The following TARBP1 variants were observed in gnomAD, a reference collection of about 807,000 sequenced individuals.
TARBP1 encodes the protein tRNA guanosine 2 -O-methyltransferase TARBP1.
Under a neutral mutation model 178.6 loss-of-function variants are expected in TARBP1, and 144 were observed. The ratio of observed to expected loss-of-function variants is 0.81; its 90% CI spans 0.70 to 0.93. The LOEUF is 0.93. Among genes scored for constraint, TARBP1 ranks in the 40% least tolerant of loss-of-function variants. The probability of loss-of-function intolerance (pLI) is 0.00; values close to 1 mark genes in which losing one functional copy is unlikely to be tolerated. For missense variants in TARBP1, 2,067 were observed against 2,011.7 expected (o/e 1.03, Z -0.53); for synonymous variants, 787 against 781.0 (o/e 1.01, Z -0.13).
rs57636903 is a variant in TARBP1, at chr1:234,451,766, A to AAAAAAACAAAAAAAACAAAAAAAC, written c.1723-1201_1723-1200insGTTTTTTTGTTTTTTTTGTTTTTT. ...TCCGTCTCAAAAAAAAAAAAAAAAA[A>AAAAAAACAAAAAAAACAAAAAAAC]TGATGAATGACTGGATCATCGAAGT... On this transcript the variant is annotated intron_variant, in intron 9 of 29. Transcript: ENST00000040877. 3.5e-4 allele frequency among the ~76,000 whole-genome samples: 6 copies of AAAAAAACAAAAAAAACAAAAAAAC among 17,176 alleles called. 1 individual carries two copies. The East Asian group carries it at 0.048, about 139-fold the overall frequency. 11.3% of individuals were successfully genotyped at this position (17,176 alleles called of 152,430 possible).
At chr1:234,442,011 G>T (rs897565182) in intron 12 of TARBP1, among the ~76,000 whole-genome samples, 5 of 152,040 alleles carry the variant, frequency 3.3e-5, no homozygotes, top group African/African-American at 1.2e-4. Context: ...AACAGAGAAA[G>T]GATACTCAGT....
chr1:234,459,428 G>A, intron 7 of TARBP1, 102 bp from the exon 8 acceptor site: 1 of 844,214 alleles, frequency 1.2e-6, no homozygotes, highest in South Asian at 1.8e-5. Context: ...ACTTCCTAAT[G>A]CAGAAAGTCT....
In TARBP1 at chr1:234,429,557, T is replaced by C; in HGVS notation, c.2730A>G (p.Thr910=). 1.2e-6 allele frequency: 2 copies of C among 1,614,190 alleles called. No individual in the cohort carries two copies. The highest frequency in any genetic ancestry group is 1.7e-6 in the Non-Finnish European group (2 of 1,180,042). ...GAAACGGTTCCAGAATTTCACTCCC[T>C]GTGGTTGGTATAAGGGTGTGATATT... ...LKKYHTLIPT[T]GSEILEPFLP... is the part of the protein sequence containing the mutation. Residue 910 remains threonine (T), a synonymous_variant, in exon 16 of 30, where the codon ACA becomes ACG. Coordinates refer to ENST00000040877, the MANE Select transcript of TARBP1 (RefSeq NM_005646.4).
chr1:234,450,045 G>A lies in TARBP1; in HGVS notation c.1861+383C>T, dbSNP rs537727924. Reference sequence around the variant, plus strand: ...TTCATACTAAACGTGCTTTAAAAATGAAAAAGATAAACACGTATTTCCAAT... The same window carrying A: ...TTCATACTAAACGTGCTTTAAAAATAAAAAAGATAAACACGTATTTCCAAT... On this transcript the variant is annotated intron_variant, in intron 10 of 29. Transcript: ENST00000040877. Among the ~76,000 whole-genome samples, 3 of 152,180 alleles carry A rather than the reference G, an allele frequency of 2.0e-5. No individual in the cohort carries two copies. The East Asian group carries it at 5.8e-4, about 29-fold the overall frequency.
chr1:234,452,636 T>C (rs2103230939), intron 9 of TARBP1, among the ~76,000 whole-genome samples: 1 of 152,226 alleles, frequency 6.6e-6, no homozygotes, highest in South Asian at 2.1e-4. Context: ...AATAGTATGG[T>C]TCGAAAGACA....
At chr1:234,409,088 C>CGTAA (rs1168577204) in intron 23 of TARBP1, among the ~76,000 whole-genome samples, 1 of 151,854 alleles carries the variant, frequency 6.6e-6, no homozygotes, top group Non-Finnish European at 1.5e-5. Context: ...ACGGACTTTA[C>CGTAA]GTATCACAAA....
At position 234,429,369 on chromosome 1, in the gene TARBP1, C is replaced by T. The variant is rs145372170; in HGVS notation, c.2872-45G>A. ...TACATACTTATTTCAAAAACTTGATCGCCACTCCTATAGTTACTGTTCAAT... is the reference window on the plus strand; with the variant it reads ...TACATACTTATTTCAAAAACTTGATTGCCACTCCTATAGTTACTGTTCAAT... On this transcript the variant is annotated intron_variant, in intron 16 of 29. Transcript: ENST00000040877. The T allele has an allele frequency of 2.7e-5, 43 of 1,566,638 alleles. No individual in the cohort carries two copies. In the African/African-American group the frequency reaches 4.1e-4, roughly 15 times the overall value.
rs553265315 is a variant in TARBP1 at position 234,393,886 on chromosome 1, C to T, written c.4244-49G>A. On this transcript the variant is annotated intron_variant, in intron 26 of 29. Transcript: ENST00000040877. ...CCCACATATAAATAAATCTGAATCT[C>T]TATATATTTATGTATACATGTATAT... is the stretch of plus-strand genomic sequence containing the variant. 878 of 1,397,378 alleles carry T rather than the reference C, an allele frequency of 6.3e-4. 16 individuals carry two copies. In the South Asian group the frequency reaches 0.011, roughly 17 times the overall value. The allele number at this position is 1,397,378 out of a possible 1,614,324, so 86.6% of individuals were successfully genotyped here.
intron 14 of TARBP1, among the ~76,000 whole-genome samples, chr1:234,430,596 C>T (rs754176362): frequency 2.0e-5 from 3 of 152,176 alleles, no homozygotes; most frequent in East Asian, 1.9e-4. Flanking sequence ...ATGACAGATT[C>T]GCTACGTACA....
At chr1:234,433,838 C>T (rs1170977680) in intron 13 of TARBP1, among the ~76,000 whole-genome samples, 2 of 152,184 alleles carry the variant, frequency 1.3e-5, no homozygotes, top group Non-Finnish European at 2.9e-5. Context: ...TGAGGGAGAC[C>T]TTAGATGGCA....
chr1:234,394,348 C>T (rs1384828610), intron 26 of TARBP1, among the ~76,000 whole-genome samples: 1 of 152,172 alleles, frequency 6.6e-6, no homozygotes, highest in Non-Finnish European at 1.5e-5. Context: ...TATCTCTTGA[C>T]AAAAGTGATG....
intron 22 of TARBP1, among the ~76,000 whole-genome samples, chr1:234,413,637 G>A (rs1662096570): frequency 6.6e-6 from 1 of 152,134 alleles, no homozygotes. Flanking sequence ...GGGATACTCC[G>A]AGGAGCATAG....
intron 6 of TARBP1, among the ~76,000 whole-genome samples, chr1:234,461,663 G>A (rs1393152675): frequency 6.6e-6 from 1 of 152,158 alleles, no homozygotes. Flanking sequence ...AGATGTGAAG[G>A]AAAAACAGGA....
intron 9 of TARBP1, among the ~76,000 whole-genome samples, chr1:234,452,848 C>CTTT (rs1482655218): frequency 2.0e-5 from 3 of 150,906 alleles, no homozygotes; most frequent in Non-Finnish European, 4.4e-5. Flanking sequence ...AACTGTGGTA[C>CTTT]ATCCAGACAA....
rs113732015 is a variant in TARBP1, at chr1:234,461,965, C to T, written c.1400-1569G>A. Among the ~76,000 whole-genome samples the T allele has an allele frequency of 3.3e-3, 510 of 152,290 alleles. 4 individuals carry two copies. Among genetic ancestry groups the T allele is most frequent in the African/African-American group, 0.012 (494 of 41,550 alleles). On this transcript the variant is annotated intron_variant, in intron 6 of 29. Coordinates refer to ENST00000040877, the MANE Select transcript of TARBP1 (RefSeq NM_005646.4). Reference sequence around the variant, plus strand: ...CGCGGACTTTGTGTCTTTTGAAATACCTAGCACAAAAGACATTCAGAACAC... The same window carrying T: ...CGCGGACTTTGTGTCTTTTGAAATATCTAGCACAAAAGACATTCAGAACAC...
At chr1:234,396,738 G>T (rs554320361) in intron 26 of TARBP1, among the ~76,000 whole-genome samples, 38 of 152,038 alleles carry the variant, frequency 2.5e-4, no homozygotes, top group South Asian at 1.9e-3. Context: ...TTAAACTAAG[G>T]GTGGTTCCAG....
At chr1:234,425,596 T>C in intron 20 of TARBP1, 77 bp downstream of exon 20, 2 of 1,409,136 alleles carry the variant, frequency 1.4e-6, no homozygotes, top group South Asian at 2.5e-5. Flanking sequence ...TAGAAGTACA[T>C]ATTCTAGCAA....
At chr1:234,440,528 AAGAC>A (rs1313895274) in intron 12 of TARBP1, among the ~76,000 whole-genome samples, 1 of 152,116 alleles carries the variant, frequency 6.6e-6, no homozygotes, top group African/African-American at 2.4e-5. Flanking sequence ...TAGGAATAAA[AAGAC>A]AGAGCTTACA....
chr1:234,478,436 G>A lies in TARBP1; in HGVS notation c.668C>T (p.Ser223Phe). The change falls in exon 1 of 30, where the codon TCC becomes TTC. Residue 223 changes from serine to phenylalanine, a missense_variant. Transcript: ENST00000040877. ...CAGCAGCTTCTCCTCTACGCGGCCG[G>A]ACCCCAGGGACGCCCCAGGCGCGGC... ...GLAAPGASLG[S>F]GRVEEKLLVL... 1 of 1,385,578 alleles carries A rather than the reference G, an allele frequency of 7.2e-7. No homozygotes were observed. The allele number at this position is 1,385,578 out of a possible 1,614,324, so 85.8% of individuals were successfully genotyped here.
Sources: gnomAD v4.1 joint callset for allele counts (sites outside exome capture counted in the v4.1 genomes callset) on GRCh38, gnomAD v4.1.1 for gene constraint, MANE v1.5 for transcripts, NCBI Gene and HGNC (gene_info 2026-07-23, HGNC 2026-07-21) for gene names.